Variants in DLGAP2 observed in about 807,000 individuals in gnomAD.
DLGAP2 encodes the protein disks large-associated protein 2.
A neutral mutation model predicts 100.3 loss-of-function variants in DLGAP2; 26 were observed. That is an observed-to-expected ratio of 0.26 (90% CI 0.19 to 0.36). The LOEUF (loss-of-function observed/expected upper bound fraction) is 0.36. Among genes scored for constraint, DLGAP2 ranks in the 10% least tolerant of loss-of-function variants. The probability of loss-of-function intolerance (pLI) is 1.00; values close to 1 mark genes in which losing one functional copy is unlikely to be tolerated. For synonymous variants in DLGAP2, 886 were observed against 630.1 expected, an observed-to-expected ratio of 1.41 and a Z score of -6.08; for missense variants, 1,858 against 1,453.2, an observed-to-expected ratio of 1.28 and a Z score of -4.53.
chr8:883,634 A>T (rs1034029426), intron 1 of DLGAP2, among the ~76,000 whole-genome samples: 106 of 145,716 alleles, frequency 7.3e-4, no homozygotes, highest in East Asian at 1.6e-3. Context: ...GTTACGTAGG[A>T]GCGCGGGTGC....
chr8:1,236,522 A>G (rs1798658959), intron 2 of DLGAP2, among the ~76,000 whole-genome samples: 1 of 29,652 alleles, frequency 3.4e-5, no homozygotes, highest in Non-Finnish European at 6.1e-5. Flanking sequence ...GTTCTCTCAC[A>G]TGGCGCCATG....
intron 2 of DLGAP2, among the ~76,000 whole-genome samples, chr8:1,086,705 T>C (rs933356896): frequency 8.5e-5 from 13 of 152,162 alleles, no homozygotes; most frequent in Admixed American, 2.6e-4. Flanking sequence ...ATCAAGAATA[T>C]GTAACAATGA....
intron 2 of DLGAP2, among the ~76,000 whole-genome samples, chr8:1,220,087 T>G (rs1255574814): frequency 6.6e-6 from 1 of 152,130 alleles, no homozygotes; most frequent in Non-Finnish European, 1.5e-5. Flanking sequence ...ATGTTTTGAA[T>G]GGATTTTTGT....
chr8:909,626 C>T (rs186420284), intron 2 of DLGAP2, among the ~76,000 whole-genome samples: 1 of 152,282 alleles, frequency 6.6e-6, no homozygotes, highest in Admixed American at 6.5e-5. Context: ...AGGACATTAG[C>T]CGGGCAATTT....
chr8:1,254,904 TCTCTCCTGCCCAGGTGCTGTGTGTGTGCC>T (rs1563042999), intron 2 of DLGAP2, among the ~76,000 whole-genome samples: 15 of 134,312 alleles, frequency 1.1e-4, no homozygotes, highest in Non-Finnish European at 1.6e-4. Flanking sequence ...GTGTCTGTGC[TCTCTCCTGCCCAGGTGCTGTGTGTGTGCC>T]CTCTCCTGCC....
intron 3 of DLGAP2, among the ~76,000 whole-genome samples, chr8:1,276,478 G>T (rs998826231): frequency 2.0e-5 from 3 of 152,148 alleles, no homozygotes; most frequent in African/African-American, 7.2e-5. Flanking sequence ...GAGGGCTGCT[G>T]AGGCGGCATC....
chr8:1,033,834 C>G (rs1481954880), intron 2 of DLGAP2, among the ~76,000 whole-genome samples: 10 of 143,350 alleles, frequency 7.0e-5, no homozygotes, highest in Admixed American at 6.2e-4. Context: ...ACACGCTCAT[C>G]CCGGCCCCGC....
intron 1 of DLGAP2, among the ~76,000 whole-genome samples, chr8:833,908 GT>G (rs1284332669): frequency 1.3e-5 from 2 of 152,120 alleles, no homozygotes; most frequent in African/African-American, 4.8e-5. Context: ...TTTCAAAGTG[GT>G]AAAAAAGAAA....
intron 1 of DLGAP2, among the ~76,000 whole-genome samples, chr8:851,884 A>C (rs1339468820): frequency 2.6e-5 from 4 of 152,084 alleles, no homozygotes; most frequent in Admixed American, 1.3e-4. Flanking sequence ...TTTCCCTCTC[A>C]CCTTCACTAA....
chr8:743,677 C>A (rs887679506), intron 1 of DLGAP2, among the ~76,000 whole-genome samples: 1 of 152,200 alleles, frequency 6.6e-6, no homozygotes, highest in Non-Finnish European at 1.5e-5. Flanking sequence ...GATCTTCCCA[C>A]CTCAGCCTCC....
At chr8:1,026,034 C>T (rs895967721) in intron 2 of DLGAP2, among the ~76,000 whole-genome samples, 7 of 152,238 alleles carry the variant, frequency 4.6e-5, no homozygotes, top group African/African-American at 1.4e-4. Flanking sequence ...GGCTCCGGCC[C>T]GTCCAGGCCG....
chr8:1,347,137 A>C (rs936724415), intron 3 of DLGAP2, among the ~76,000 whole-genome samples: 2 of 151,968 alleles, frequency 1.3e-5, no homozygotes, highest in Admixed American at 6.5e-5. Flanking sequence ...CATTGCTCTC[A>C]TGGCGGCTGT....
At chr8:804,476 C>T (rs775195676) in intron 1 of DLGAP2, among the ~76,000 whole-genome samples, 61 of 152,276 alleles carry the variant, frequency 4.0e-4, no homozygotes, top group African/African-American at 5.5e-4. Context: ...ACCGATTCTC[C>T]GGCCTTGTTG....
chr8:1,679,035 G>A (rs1285590039), intron 12 of DLGAP2: 1 of 167,456 alleles, frequency 6.0e-6, no homozygotes, highest in African/African-American at 2.4e-5. Flanking sequence ...ATGCCAAAGA[G>A]AAGTCGATGG....
At chr8:1,695,312 C>T (rs1256603794) in intron 13 of DLGAP2, among the ~76,000 whole-genome samples, 2 of 139,390 alleles carry the variant, frequency 1.4e-5, no homozygotes, top group South Asian at 2.3e-4. Context: ...CCCGGCCCTA[C>T]AGAAAGGGGG....
intron 1 of DLGAP2, among the ~76,000 whole-genome samples, chr8:903,364 C>G (rs1292255939): frequency 6.6e-6 from 1 of 151,828 alleles, no homozygotes; most frequent in Non-Finnish European, 1.5e-5. Context: ...GAAATAACTG[C>G]AGAGCCCCCC....
At chr8:931,249 C>A (rs879576403) in intron 2 of DLGAP2, among the ~76,000 whole-genome samples, 25 of 152,128 alleles carry the variant, frequency 1.6e-4, no homozygotes, top group South Asian at 4.1e-4. Context: ...GCAGCTGACA[C>A]GGGCCAGTTG....
At chr8:780,030 C>G (rs1328846978) in intron 1 of DLGAP2, among the ~76,000 whole-genome samples, 1 of 152,136 alleles carries the variant, frequency 6.6e-6, no homozygotes, top group Non-Finnish European at 1.5e-5. Context: ...AAATTCTATT[C>G]TAGAGATTTT....
intron 2 of DLGAP2, among the ~76,000 whole-genome samples, chr8:1,227,434 G>A (rs968624521): frequency 4.6e-5 from 7 of 150,964 alleles, no homozygotes; most frequent in African/African-American, 7.3e-5. Flanking sequence ...TGAGCCTGTG[G>A]CTGTCTTCAC....
Sources: gnomAD v4.1 joint callset for allele counts (sites outside exome capture counted in the v4.1 genomes callset) on GRCh38, gnomAD v4.1.1 for gene constraint, MANE v1.5 for transcripts, NCBI Gene and HGNC (gene_info 2026-07-23, HGNC 2026-07-21) for gene names.